Variants in BRAF observed in about 807,000 individuals in gnomAD.
BRAF encodes the protein B-Raf proto-oncogene, serine/threonine kinase.
In BRAF, 16 loss-of-function variants were observed where a neutral mutation model predicts 104.6. The ratio of observed to expected loss-of-function variants is 0.15; its 90% CI spans 0.10 to 0.23. BRAF has a LOEUF of 0.23. Among genes scored for constraint, BRAF ranks in the 10% least tolerant of loss-of-function variants. The probability of loss-of-function intolerance (pLI) is 1.00; values close to 1 mark genes in which losing one functional copy is unlikely to be tolerated. For synonymous variants in BRAF, 310 were observed against 341.6 expected (o/e 0.91, Z 1.02); for missense variants, 541 against 937.3 (o/e 0.58, Z 5.52).
intron 1 of BRAF, among the ~76,000 whole-genome samples, chr7:140,877,141 T>C (rs1812352477): frequency 6.6e-6 from 1 of 151,988 alleles, no homozygotes; most frequent in Non-Finnish European, 1.5e-5. Flanking sequence ...AACATGACAA[T>C]AAGGTTAATC....
rs1487285283 is a variant in BRAF at position 140,924,762 on chromosome 7, G to A, written c.-59C>T. On this transcript the variant is annotated 5_prime_UTR_variant, in exon 1 of 20. Coordinates refer to ENST00000644969, the MANE Select transcript of BRAF (RefSeq NM_001374258.1). This position sits in a 1 kb window ranked among gnomAD's most constrained non-coding sequence, Gnocchi z 4.2. The stretch of plus-strand genomic sequence containing the variant: ...TGTCGGGCGGGGAGGGGGAAGGGAG[G>A]CGGAGAGCTGGGGGAGGCGGAGGCG... The A allele has an allele frequency of 1.1e-5, 7 of 665,964 alleles. No homozygotes were observed. The highest frequency in any genetic ancestry group is 5.0e-5 in the South Asian group (3 of 59,936). The allele number at this position is 665,964 out of a possible 1,614,324, so 41.3% of individuals were successfully genotyped here.
At chr7:140,844,081 T>C (rs1808288129) in intron 2 of BRAF, among the ~76,000 whole-genome samples, 1 of 152,074 alleles carries the variant, frequency 6.6e-6, no homozygotes, top group Non-Finnish European at 1.5e-5. Flanking sequence ...CTGTGCAGTC[T>C]AACCCTAGCC....
chr7:140,917,870 T>C (rs566522254), intron 1 of BRAF, among the ~76,000 whole-genome samples: 2 of 152,360 alleles, frequency 1.3e-5, no homozygotes, highest in East Asian at 1.9e-4. Flanking sequence ...CAAATTTCAG[T>C]GTCCTGAAAA....
intron 1 of BRAF, among the ~76,000 whole-genome samples, chr7:140,858,526 C>T (rs976662747): frequency 7.2e-5 from 11 of 152,050 alleles, no homozygotes; most frequent in African/African-American, 2.7e-4. Context: ...CATGGGAGAA[C>T]AAAACAGTAG....
chr7:140,819,765 A>C (rs1004084833), intron 3 of BRAF, among the ~76,000 whole-genome samples: 4 of 152,234 alleles, frequency 2.6e-5, no homozygotes, highest in African/African-American at 9.6e-5. Context: ...TTTATATGAA[A>C]TGCCAGAGAA....
At chr7:140,818,290 A>G (rs931308710) in intron 3 of BRAF, among the ~76,000 whole-genome samples, 2 of 151,376 alleles carry the variant, frequency 1.3e-5, no homozygotes, top group Non-Finnish European at 2.9e-5. Context: ...ATTGTCCTTT[A>G]TATTTTTCCA....
chr7:140,727,185 C>CTTTTT (rs927393889), intron 19 of BRAF, among the ~76,000 whole-genome samples: 1 of 128,652 alleles, frequency 7.8e-6, no homozygotes, highest in African/African-American at 3.1e-5. Flanking sequence ...TTATTTTTTT[C>CTTTTT]TTTTTTTTTT....
intron 1 of BRAF, among the ~76,000 whole-genome samples, chr7:140,921,329 C>A (rs569422808): frequency 6.6e-6 from 1 of 152,178 alleles, no homozygotes; most frequent in Admixed American, 6.5e-5. Flanking sequence ...CAAGTACATT[C>A]ATTTGATAAA....
Position 140,834,741 on chromosome 7 carries a change from G to C in BRAF, c.372C>G (p.Ser124=), listed in dbSNP as rs755717226. 4 of 1,614,034 alleles carry C rather than the reference G, an allele frequency of 2.5e-6. No homozygotes were observed. The South Asian group carries it at 3.3e-5, about 13-fold the overall frequency. ...AAGGTAGCACTGAAAGGCTAGAAGA[G>C]GAAGAAGATGTAACGGTATCCATTG... ...SASMDTVTSS[S]SSSLSVLPSS... is the part of the protein sequence containing the mutation. The change falls in exon 3 of 20, where the codon TCC becomes TCG. Residue 124 remains serine, a synonymous_variant. Coordinates refer to ENST00000644969, the MANE Select transcript of BRAF (RefSeq NM_001374258.1).
rs146486777 is a variant in BRAF, at chr7:140,797,907, A to G, written c.980+2455T>C. Among the ~76,000 whole-genome samples the G allele has an allele frequency of 3.3e-3, 498 of 152,350 alleles. 3 individuals carry two copies. Among genetic ancestry groups the G allele is most frequent in the African/African-American group, 0.011 (476 of 41,580 alleles). ...AAAACACAGCTGCACACAAGTAGTG[A>G]TAGAGCCAACGGGAATAAAATGACT... is the stretch of plus-strand genomic sequence containing the variant. On this transcript the variant is annotated intron_variant, in intron 7 of 19. Coordinates refer to ENST00000644969, the MANE Select transcript of BRAF (RefSeq NM_001374258.1).
At chr7:140,917,980 T>C (rs1817801841) in intron 1 of BRAF, among the ~76,000 whole-genome samples, 1 of 152,212 alleles carries the variant, frequency 6.6e-6, no homozygotes, top group Non-Finnish European at 1.5e-5. Context: ...AGGAACTGTA[T>C]GTCCCACAAT....
rs575721845 is a variant in BRAF, at chr7:140,842,180, T to C, written c.241-7308A>G. 4.6e-5 allele frequency among the ~76,000 whole-genome samples: 7 copies of C among 152,316 alleles called. No individual in the cohort carries two copies. In the East Asian group the frequency reaches 1.2e-3, roughly 25 times the overall value. ...GAAAGGCTGCCAAGTGTAAGAATGA[T>C]ACGGTGATTAAACGCATGGGCTGTA... On this transcript the variant is annotated intron_variant, in intron 2 of 19. Coordinates refer to ENST00000644969, the MANE Select transcript of BRAF (RefSeq NM_001374258.1).
chr7:140,761,056 T>C (rs1798675117), intron 14 of BRAF, among the ~76,000 whole-genome samples: 1 of 152,098 alleles, frequency 6.6e-6, no homozygotes, highest in African/African-American at 2.4e-5. Flanking sequence ...AAGATACTCC[T>C]TGAGAAGAGC....
At chr7:140,891,886 A>G (rs1814263394) in intron 1 of BRAF, among the ~76,000 whole-genome samples, 1 of 152,206 alleles carries the variant, frequency 6.6e-6, no homozygotes, top group Non-Finnish European at 1.5e-5. Flanking sequence ...ATTTCCCTAA[A>G]ATGTTTCAAA....
At chr7:140,775,216 C>T (rs957852161) in intron 14 of BRAF, among the ~76,000 whole-genome samples, 1 of 151,982 alleles carries the variant, frequency 6.6e-6, no homozygotes, top group Non-Finnish European at 1.5e-5. Context: ...ACATAAAGGT[C>T]CTAAAGAAGG....
downstream of BRAF, among the ~76,000 whole-genome samples, chr7:140,718,156 G>A (rs981767429): frequency 6.6e-6 from 1 of 151,904 alleles, no homozygotes; most frequent in Non-Finnish European, 1.5e-5. Flanking sequence ...GTGCAATGGC[G>A]TGATCTCAGC....
chr7:140,749,044 C>T, intron 17 of BRAF: 1 of 464,540 alleles, frequency 2.2e-6, no homozygotes, highest in Non-Finnish European at 3.9e-6. Flanking sequence ...ATTCTTGTAA[C>T]TGTAGTTTCT....
intron 1 of BRAF, among the ~76,000 whole-genome samples, chr7:140,897,937 C>T (rs1449202087): frequency 2.6e-5 from 4 of 152,140 alleles, no homozygotes; most frequent in East Asian, 1.9e-4. Flanking sequence ...CAGTGTCTCA[C>T]GTCTGTAATC....
intron 7 of BRAF, among the ~76,000 whole-genome samples, chr7:140,797,629 G>A (rs1431542378): frequency 6.6e-6 from 1 of 152,110 alleles, no homozygotes; most frequent in Non-Finnish European, 1.5e-5. Flanking sequence ...AATATTCATG[G>A]CACAGGCAAA....
Sources: allele counts gnomAD v4.1 joint callset (sites outside exome capture counted in the v4.1 genomes callset), GRCh38; gene constraint gnomAD v4.1.1; non-coding constraint Gnocchi (gnomAD v3.1); transcripts MANE v1.5; gene names NCBI Gene and HGNC (gene_info 2026-07-23, HGNC 2026-07-21).